TLE1: variants seen among roughly 807,000 people sequenced by gnomAD.
TLE1 encodes transducin-like enhancer protein 1.
A neutral mutation model predicts 89.8 loss-of-function variants in TLE1; 21 were observed. That is an observed-to-expected ratio of 0.23 (90% CI 0.17 to 0.34). TLE1 has a LOEUF of 0.34. Ranked by LOEUF, TLE1 falls within the 10% of genes least tolerant of loss-of-function variation. The probability of loss-of-function intolerance (pLI) is 1.00; values close to 1 mark genes in which losing one functional copy is unlikely to be tolerated. For synonymous variants in TLE1, 447 were observed against 407.6 expected (o/e 1.10, Z -1.16); for missense variants, 795 against 1,031.2 (o/e 0.77, Z 3.14).
intron 6 of TLE1, among the ~76,000 whole-genome samples, chr9:81,647,937 GCAATTAGCTGATTCTCTTTTAACTTTT>G (rs1829058938): frequency 6.6e-6 from 1 of 152,096 alleles, no homozygotes; most frequent in Non-Finnish European, 1.5e-5. Context: ...TTTTAAAAAT[GCAATTAGCTGATTCTCTTTTAACTTTT>G]CAGTTAAAAA....
At chr9:81,613,356 C>T in intron 12 of TLE1, 21 bp downstream of exon 12, 1 of 1,610,176 alleles carries the variant, frequency 6.2e-7, no homozygotes, top group Non-Finnish European at 8.5e-7. Flanking sequence ...AAACAAAGCA[C>T]AACAAGAGGC....
In TLE1 at chr9:81,675,698, G is replaced by GTTTTT. The variant is rs35060460; in HGVS notation, c.234+9973_234+9977dup. On this transcript the variant is annotated intron_variant, in intron 4 of 19. Transcript: ENST00000376499. ...AATTTTAGCATAAGGACTCACACTAGTTTTTTTTTGTTTTTTTTTTTGAGA... is the reference window on the plus strand; with the variant it reads ...AATTTTAGCATAAGGACTCACACTAGTTTTTTTTTTTTTTGTTTTTTTTTTTGAGA... 4.9e-3 allele frequency among the ~76,000 whole-genome samples: 635 copies of GTTTTT among 129,458 alleles called. 34 individuals are homozygous for GTTTTT. The highest frequency in any genetic ancestry group is 7.7e-3 in the East Asian group (36 of 4,692). 84.9% of individuals were successfully genotyped at this position (129,458 alleles called of 152,430 possible).
intron 4 of TLE1, among the ~76,000 whole-genome samples, chr9:81,662,818 A>G (rs1830986443): frequency 6.6e-6 from 1 of 152,006 alleles, no homozygotes. Flanking sequence ...GTGACTTGGA[A>G]TCATTGCCCT....
chr9:81,589,367 C>A (rs752113046), intron 16 of TLE1, among the ~76,000 whole-genome samples: 3 of 152,196 alleles, frequency 2.0e-5, no homozygotes, highest in Non-Finnish European at 2.9e-5. Context: ...CATCCTATGA[C>A]TGTTCAGAAC....
At position 81,634,147 on chromosome 9, in the gene TLE1, T is replaced by C. The variant is rs1588057420; in HGVS notation, c.527A>G (p.His176Arg). 1 of 1,607,288 alleles carries C rather than the reference T, an allele frequency of 6.2e-7. No individual in the cohort carries two copies. Among genetic ancestry groups the C allele is most frequent in the Non-Finnish European group, 8.5e-7 (1 of 1,176,324 alleles). ...CTTCTTGTCATCTTTTATTGCCAAGTGAGACTGCCCACTCAGAGCACTAGA... is the reference window on the plus strand; with the variant it reads ...CTTCTTGTCATCTTTTATTGCCAAGCGAGACTGCCCACTCAGAGCACTAGA... ...ALSSALSGQS[H>R]LAIKDDKKHH... The change falls in exon 7 of 20, where the codon CAC (histidine) becomes CGC (arginine). Residue 176 changes from histidine (H) to arginine (R), a missense_variant. His to Arg is a conservative substitution (Grantham distance 29, BLOSUM62 0). Around this residue, in one of 4 missense-constraint regions of TLE1, gnomAD observed 468 missense variants for 509.1 expected, o/e 0.92. Transcript: ENST00000376499.
At chr9:81,633,439 G>A (rs1826962748) in intron 7 of TLE1, 75 bp from the exon 8 acceptor site, 11 of 1,596,424 alleles carry the variant, frequency 6.9e-6, no homozygotes, top group South Asian at 1.1e-5. Context: ...ATAAAAAAAA[G>A]GGGGGAATAA....
chr9:81,664,381 A>G (rs554535299), intron 4 of TLE1, among the ~76,000 whole-genome samples: 1 of 152,338 alleles, frequency 6.6e-6, no homozygotes, highest in South Asian at 2.1e-4. Flanking sequence ...GTTCTTTGCC[A>G]AGAGGCCTCC....
intron 18 of TLE1, among the ~76,000 whole-genome samples, chr9:81,585,273 T>G (rs1219063581): frequency 6.6e-6 from 1 of 152,134 alleles, no homozygotes; most frequent in East Asian, 1.9e-4. Flanking sequence ...AACAAACTTG[T>G]GTCCAAACCG....
intron 8 of TLE1, among the ~76,000 whole-genome samples, chr9:81,624,414 G>T (rs1825669255): frequency 6.6e-6 from 1 of 152,174 alleles, no homozygotes; most frequent in Non-Finnish European, 1.5e-5. Flanking sequence ...CCAATCACCA[G>T]AGGTAATCAT....
intron 11 of TLE1, among the ~76,000 whole-genome samples, chr9:81,613,765 T>C (rs1824017358): frequency 6.6e-6 from 1 of 152,160 alleles, no homozygotes; most frequent in African/African-American, 2.4e-5. Context: ...TCCGCAGATT[T>C]TATTTTAAAA....
At chr9:81,662,401 G>GTGTT (rs959559240) in intron 4 of TLE1, among the ~76,000 whole-genome samples, 3 of 140,574 alleles carry the variant, frequency 2.1e-5, no homozygotes, top group African/African-American at 5.2e-5. Flanking sequence ...GTGTGTGTGT[G>GTGTT]TGTGTTTAAA....
At chr9:81,629,660 G>A (rs1826328163) in intron 8 of TLE1, among the ~76,000 whole-genome samples, 1 of 152,166 alleles carries the variant, frequency 6.6e-6, no homozygotes, top group African/African-American at 2.4e-5. Context: ...ACACAAACCT[G>A]GGTGGTATAG....
chr9:81,584,114 T>C lies in TLE1; in HGVS notation c.*84A>G, dbSNP rs1251168517. The C allele has an allele frequency of 2.5e-5, 32 of 1,296,814 alleles. No individual in the cohort carries two copies. Among genetic ancestry groups the C allele is most frequent in the Non-Finnish European group, 3.4e-5 (31 of 904,656 alleles). 80.3% of individuals were successfully genotyped at this position (1,296,814 alleles called of 1,614,324 possible). Reference sequence around the variant, plus strand: ...ACAGGTGTTTGTAATTTTTTTTCTCTTTTAAAGTTACAACTTTTCTATTTC... The same window carrying C: ...ACAGGTGTTTGTAATTTTTTTTCTCCTTTAAAGTTACAACTTTTCTATTTC... On this transcript the variant is annotated 3_prime_UTR_variant, in exon 20 of 20. Coordinates refer to ENST00000376499, the MANE Select transcript of TLE1 (RefSeq NM_005077.5).
chr9:81,587,946 G>GTGTGTGTGTGTGTGTGTA, intron 16 of TLE1, 118 bp from the exon 17 acceptor site: 1 of 1,160,688 alleles, frequency 8.6e-7, no homozygotes, highest in Admixed American at 2.5e-5. Flanking sequence ...GTGTGTGTGT[G>GTGTGTGTGTGTGTGTGTA]ATCCCGCCAG....
At chr9:81,652,101 T>C in intron 6 of TLE1, 113 bp downstream of exon 6, 1 of 722,156 alleles carries the variant, frequency 1.4e-6, no homozygotes, top group Non-Finnish European at 2.0e-6. Flanking sequence ...AGGTCAACGT[T>C]AAGATACACA....
At chr9:81,670,470 C>T (rs1039543597) in intron 4 of TLE1, among the ~76,000 whole-genome samples, 3 of 152,074 alleles carry the variant, frequency 2.0e-5, no homozygotes, top group African/African-American at 7.2e-5. Context: ...GGACTACAGG[C>T]GTGCGCCACT....
At chr9:81,664,741 T>G (rs1203876096) in intron 4 of TLE1, among the ~76,000 whole-genome samples, 1 of 152,050 alleles carries the variant, frequency 6.6e-6, no homozygotes, top group Non-Finnish European at 1.5e-5. Flanking sequence ...ACCTTTAAGT[T>G]GACCTTATAA....
chr9:81,641,198 G>C (rs1588085760), intron 6 of TLE1, among the ~76,000 whole-genome samples: 1 of 147,654 alleles, frequency 6.8e-6, no homozygotes, highest in Non-Finnish European at 1.5e-5. Context: ...TATCTTGGGA[G>C]ACAGCAAAAT....
chr9:81,643,291 C>T (rs1347178246), intron 6 of TLE1, among the ~76,000 whole-genome samples: 2 of 151,774 alleles, frequency 1.3e-5, no homozygotes, highest in Admixed American at 6.6e-5. Flanking sequence ...GGCTGGAGTA[C>T]AATGGTGCGA....
Sources: allele counts gnomAD v4.1 joint callset (sites outside exome capture counted in the v4.1 genomes callset), GRCh38; gene constraint gnomAD v4.1.1; regional missense constraint gnomAD v4.1.1; transcripts MANE v1.5; gene names NCBI Gene and HGNC (gene_info 2026-07-23, HGNC 2026-07-21).